Variants in DAAM1 observed in about 807,000 individuals in gnomAD.
The protein encoded by DAAM1 is disheveled-associated activator of morphogenesis 1.
Under a neutral mutation model 130.0 loss-of-function variants are expected in DAAM1, and 52 were observed. The observed-to-expected ratio is 0.40, with a 90% CI of 0.32 to 0.50. The LOEUF (loss-of-function observed/expected upper bound fraction) is 0.50, where lower values mean the gene tolerates loss of function less well. Ranked by LOEUF, DAAM1 falls within the 20% of genes least tolerant of loss-of-function variation. The pLI is 0.61. For missense variants in DAAM1, 1,134 were observed against 1,303.8 expected (o/e 0.87, Z 2.01); for synonymous variants, 452 against 444.5 (o/e 1.02, Z -0.21).
intron 2 of DAAM1, among the ~76,000 whole-genome samples, chr14:59,284,936 T>G (rs1883376614): frequency 6.6e-6 from 1 of 152,114 alleles, no homozygotes; most frequent in Non-Finnish European, 1.5e-5. Context: ...GGGGTTGACG[T>G]GCAAATTCAA....
chr14:59,359,272 A>T (rs1886610994), intron 20 of DAAM1, 125 bp from the exon 21 acceptor site: 1 of 710,408 alleles, frequency 1.4e-6, no homozygotes, highest in Non-Finnish European at 2.3e-6. Context: ...CAGGTAATAT[A>T]GCATTATTGT....
intron 2 of DAAM1, among the ~76,000 whole-genome samples, chr14:59,283,404 T>A (rs1382331056): frequency 6.6e-6 from 1 of 152,206 alleles, no homozygotes; most frequent in Non-Finnish European, 1.5e-5. Flanking sequence ...TTAAACATGT[T>A]CCCTCATAAT....
chr14:59,360,489 T>G (rs1310894709), intron 21 of DAAM1, among the ~76,000 whole-genome samples: 1 of 152,232 alleles, frequency 6.6e-6, no homozygotes, highest in Non-Finnish European at 1.5e-5. Context: ...TATTTCTACA[T>G]GAAGTAATTT....
intron 1 of DAAM1, among the ~76,000 whole-genome samples, chr14:59,222,042 C>A (rs775939923): frequency 2.6e-5 from 4 of 152,186 alleles, no homozygotes; most frequent in African/African-American, 9.7e-5. Context: ...TCTGGCTAAC[C>A]TTGCTCCAAG....
intron 3 of DAAM1, among the ~76,000 whole-genome samples, chr14:59,311,817 T>A (rs8018859): frequency 0.011 from 1,602 of 152,198 alleles, 29 homozygotes; most frequent in African/African-American, 0.037. Flanking sequence ...GCCTCCTGAG[T>A]AGCTAGGGCT....
intron 3 of DAAM1, among the ~76,000 whole-genome samples, chr14:59,307,148 A>G (rs535518079): frequency 6.6e-6 from 1 of 152,256 alleles, no homozygotes; most frequent in African/African-American, 2.4e-5. Context: ...TATCCTGTCT[A>G]TAGCACTCTT....
chr14:59,312,403 A>G (rs1422417029), intron 3 of DAAM1, among the ~76,000 whole-genome samples: 1 of 152,228 alleles, frequency 6.6e-6, no homozygotes, highest in Non-Finnish European at 1.5e-5. Flanking sequence ...CAGGTAAGGA[A>G]ATGAAAACTG....
At chr14:59,343,021 C>A (rs1885913335) in intron 16 of DAAM1, among the ~76,000 whole-genome samples, 1 of 152,118 alleles carries the variant, frequency 6.6e-6, no homozygotes, top group Non-Finnish European at 1.5e-5. Flanking sequence ...CATGAGTCAG[C>A]CCAGAATCAC....
chr14:59,207,105 G>A (rs1174623245), intron 1 of DAAM1, among the ~76,000 whole-genome samples: 1 of 152,162 alleles, frequency 6.6e-6, no homozygotes, highest in East Asian at 1.9e-4. Context: ...GTTCACAGGA[G>A]AATTTGAAGA....
chr14:59,226,585 G>T (rs1221935572), intron 1 of DAAM1, among the ~76,000 whole-genome samples: 1 of 152,084 alleles, frequency 6.6e-6, no homozygotes, highest in Non-Finnish European at 1.5e-5. Context: ...AATGGAGGTG[G>T]GTCATTCCTT....
chr14:59,361,315 T>A (rs1886696880), intron 22 of DAAM1, among the ~76,000 whole-genome samples: 1 of 152,190 alleles, frequency 6.6e-6, no homozygotes, highest in African/African-American at 2.4e-5. Context: ...ATGCTCTAGC[T>A]GAGGGTCACG....
chr14:59,206,117 G>A (rs1888249223), intron 1 of DAAM1, among the ~76,000 whole-genome samples: 1 of 151,822 alleles, frequency 6.6e-6, no homozygotes, highest in African/African-American at 2.4e-5. Flanking sequence ...GCCTCCCAAA[G>A]TTGCTGGGAT....
chr14:59,216,354 C>G (rs1391447947), intron 1 of DAAM1, among the ~76,000 whole-genome samples: 1 of 152,110 alleles, frequency 6.6e-6, no homozygotes, highest in Non-Finnish European at 1.5e-5. Context: ...TGGACAGCTG[C>G]CTGTTTATTA....
intron 2 of DAAM1, among the ~76,000 whole-genome samples, chr14:59,278,689 A>G (rs1252995): frequency 0.98 from 149,711 of 152,232 alleles, 73,663 homozygotes; most frequent in Non-Finnish European, 1. Context: ...GACCTTGGGG[A>G]AAACATTGCC....
chr14:59,338,779 G>A (rs1168011500), intron 15 of DAAM1, among the ~76,000 whole-genome samples: 3 of 151,884 alleles, frequency 2.0e-5, no homozygotes, highest in Non-Finnish European at 4.4e-5. Flanking sequence ...ATTCCTGAGT[G>A]GGAAATATAT....
At chr14:59,236,621 C>T (rs1042841947) in intron 1 of DAAM1, among the ~76,000 whole-genome samples, 1 of 152,014 alleles carries the variant, frequency 6.6e-6, no homozygotes, top group Non-Finnish European at 1.5e-5. Context: ...GCATCTCTGG[C>T]CAAGCTCTCT....
intron 19 of DAAM1, 59 bp downstream of exon 19, chr14:59,354,023 G>A (rs1886381314): frequency 2.0e-6 from 3 of 1,528,430 alleles, no homozygotes; most frequent in South Asian, 1.2e-5. Flanking sequence ...ATTTAAAAGT[G>A]CAATCCAAGT....
chr14:59,220,218 C>G (rs77773396), intron 1 of DAAM1, among the ~76,000 whole-genome samples: 4 of 152,186 alleles, frequency 2.6e-5, no homozygotes, highest in Middle Eastern at 3.4e-3. Context: ...ATTGGCGGCT[C>G]TATTCTCAGG....
rs144975912 is a variant in DAAM1, at chr14:59,323,735, C to T, written c.775-393C>T. ...ATGGGTCAGTGTAATCCTGTCTAAA[C>T]GTAAGATTTTAAAAGTTAACTTTTT... On this transcript the variant is annotated intron_variant, in intron 6 of 24. Coordinates refer to ENST00000360909, the MANE Select transcript of DAAM1 (RefSeq NM_001270520.2). Among the ~76,000 whole-genome samples the T allele has an allele frequency of 3.9e-5, 6 of 152,068 alleles. No homozygotes were observed. The South Asian group carries it at 6.2e-4, about 16-fold the overall frequency.
Sources: gnomAD v4.1 joint callset for allele counts (sites outside exome capture counted in the v4.1 genomes callset) on GRCh38, gnomAD v4.1.1 for gene constraint, MANE v1.5 for transcripts, NCBI Gene and HGNC (gene_info 2026-07-23, HGNC 2026-07-21) for gene names.